BAIAP2L2: variants seen among roughly 807,000 people sequenced by gnomAD.
BAIAP2L2 encodes BAR/IMD domain containing adaptor protein 2 like 2.
BAIAP2L2 carries 65 observed loss-of-function variants against 60.4 expected under a neutral mutation model. The observed-to-expected ratio is 1.08, with a 90% CI of 0.88 to 1.32. BAIAP2L2 has a LOEUF of 1.32. Among genes scored for constraint, BAIAP2L2 ranks in the 40% most tolerant of loss-of-function variants. BAIAP2L2 has a pLI of 0.00. For missense variants in BAIAP2L2, 836 were observed against 741.2 expected, an observed-to-expected ratio of 1.13 and a Z score of -1.48; for synonymous variants, 344 against 301.7, an observed-to-expected ratio of 1.14 and a Z score of -1.45.
intron 10 of BAIAP2L2, 53 bp from the exon 11 acceptor site, chr22:38,087,317 A>G (rs528710120): frequency 2.6e-6 from 4 of 1,562,596 alleles, no homozygotes; most frequent in African/African-American, 1.4e-5. Context: ...CCTGGGGACA[A>G]TGACCAAAAG....
chr22:38,109,095 C>T, intron 2 of BAIAP2L2, 38 bp downstream of exon 2: 2 of 1,561,174 alleles, frequency 1.3e-6, no homozygotes, highest in Non-Finnish European at 1.8e-6. Flanking sequence ...ACAGCAGAGG[C>T]CCAGGGCTGG....
At chr22:38,100,222 C>T (rs1176724100) in intron 4 of BAIAP2L2, among the ~76,000 whole-genome samples, 1 of 152,144 alleles carries the variant, frequency 6.6e-6, no homozygotes, top group Non-Finnish European at 1.5e-5. Flanking sequence ...CCCGACCCTG[C>T]GCTAGTGTGA....
At chr22:38,110,369 C>A in intron 1 of BAIAP2L2, 106 bp downstream of exon 1, 1 of 1,204,520 alleles carries the variant, frequency 8.3e-7, no homozygotes, top group South Asian at 1.3e-5. Context: ...GCTTCCCTTT[C>A]CAGGACATCT....
chr22:38,098,542 C>G (rs1054207719), intron 4 of BAIAP2L2, 60 bp from the exon 5 acceptor site: 22 of 1,409,388 alleles, frequency 1.6e-5, no homozygotes, highest in Non-Finnish European at 1.9e-5. Context: ...GGCCCCAGCA[C>G]CCCCTTGCAC....
intron 5 of BAIAP2L2, 37 bp from the exon 6 acceptor site, chr22:38,098,216 C>CA (rs1569226259): frequency 6.2e-7 from 1 of 1,600,648 alleles, no homozygotes; most frequent in Admixed American, 1.7e-5. Flanking sequence ...AGAATCCCCC[C>CA]ACATCAGAGA....
At chr22:38,086,141 G>C (rs536472106) in intron 12 of BAIAP2L2, 101 bp downstream of exon 12, 243 of 1,312,006 alleles carry the variant, frequency 1.9e-4, no homozygotes, top group Non-Finnish European at 2.4e-4. Flanking sequence ...GGCCAGGTAG[G>C]CGGGTCCCCT....
intron 2 of BAIAP2L2, 97 bp downstream of exon 2, chr22:38,109,036 G>A (rs2086730641): frequency 1.0e-6 from 1 of 991,532 alleles, no homozygotes; most frequent in Non-Finnish European, 1.5e-6. Flanking sequence ...GGTTGAGGAT[G>A]AACAGGTGTG....
intron 1 of BAIAP2L2, 65 bp from the exon 2 acceptor site, chr22:38,109,273 G>A: frequency 5.9e-6 from 8 of 1,345,474 alleles, no homozygotes; most frequent in South Asian, 2.4e-5. Context: ...AACCACGGAT[G>A]GAGTCAAGTC....
chr22:38,109,020 G>A, intron 2 of BAIAP2L2, 113 bp downstream of exon 2: 1 of 918,770 alleles, frequency 1.1e-6, no homozygotes, highest in Non-Finnish European at 1.7e-6. Flanking sequence ...GGGTAGGAGG[G>A]TGTAGGGTTG....
intron 4 of BAIAP2L2, among the ~76,000 whole-genome samples, chr22:38,107,205 A>G (rs1286974445): frequency 1.3e-5 from 2 of 151,956 alleles, no homozygotes; most frequent in African/African-American, 2.4e-5. Context: ...GTCCAGGGGG[A>G]GGGGTGACTG....
At chr22:38,091,774 A>G (rs2086308588) in intron 7 of BAIAP2L2, among the ~76,000 whole-genome samples, 1 of 152,154 alleles carries the variant, frequency 6.6e-6, no homozygotes, top group South Asian at 2.1e-4. Context: ...TTTGCAACTC[A>G]TCACCAAGAA....
Position 38,098,172 on chromosome 22 carries a change from C to A in BAIAP2L2, c.356G>T (p.Arg119Leu), listed in dbSNP as rs371204360. The change falls in exon 6 of 14, where the codon CGC becomes CTC. Residue 119 changes from arginine (R) to leucine (L), a missense_variant. Transcript: ENST00000381669. ...GCGGTACTCGAGCTCATAGTGCTGG[C>A]GGCTGTCCTGGGGTAGGGTGGAGTC... is the stretch of plus-strand genomic sequence containing the variant. The part of the protein sequence containing the change: ...KLDMQFIKDS[R>L]QHYELEYRHR... The A allele has an allele frequency of 1.2e-6, 2 of 1,614,058 alleles. No homozygotes were observed. Among genetic ancestry groups the A allele is most frequent in the Non-Finnish European group, 1.7e-6 (2 of 1,180,034 alleles).
chr22:38,101,229 G>C (rs1359777303), intron 4 of BAIAP2L2, among the ~76,000 whole-genome samples: 1 of 151,970 alleles, frequency 6.6e-6, no homozygotes, highest in African/African-American at 2.4e-5. Context: ...AAACCAGACA[G>C]CAAAATAAAA....
chr22:38,097,114 T>G lies in BAIAP2L2; in HGVS notation c.530A>C (p.Glu177Ala). 1 of 1,614,056 alleles carries G rather than the reference T, an allele frequency of 6.2e-7. No individual in the cohort carries two copies. Among genetic ancestry groups the G allele is most frequent in the Non-Finnish European group, 8.5e-7 (1 of 1,180,032 alleles). ...GCGATAGCGCCGCTTCTCTTCCAAT[T>G]CAGCCGCCCGCTGACTCTCAGACAC... ...AFVSESQRAA[E>A]LEEKRRYRFL... is the part of the protein sequence containing the mutation. Residue 177 changes from glutamate (E) to alanine (A), a missense_variant, in exon 7 of 14, where the codon GAA (glutamate) becomes GCA (alanine). By Grantham distance (107) the Glu-to-Ala change is moderately radical. Transcript: ENST00000381669.
At chr22:38,086,920 C>T (rs1428591996) in intron 11 of BAIAP2L2, among the ~76,000 whole-genome samples, 1 of 148,638 alleles carries the variant, frequency 6.7e-6, no homozygotes, top group East Asian at 2.0e-4. Context: ...CGCTTGAATG[C>T]AGGAGGCAGA....
At chr22:38,105,147 C>A (rs2086638139) in intron 4 of BAIAP2L2, among the ~76,000 whole-genome samples, 1 of 152,044 alleles carries the variant, frequency 6.6e-6, no homozygotes, top group Admixed American at 6.6e-5. Context: ...GAAGGTGTCC[C>A]TTTCACTGAG....
chr22:38,097,762 G>A (rs1206890283), intron 6 of BAIAP2L2, among the ~76,000 whole-genome samples: 5 of 152,018 alleles, frequency 3.3e-5, no homozygotes, highest in South Asian at 2.1e-4. Context: ...ATGTTCAAGC[G>A]AGCAATTTTC....
At chr22:38,104,596 C>T (rs964493483) in intron 4 of BAIAP2L2, among the ~76,000 whole-genome samples, 5 of 151,182 alleles carry the variant, frequency 3.3e-5, no homozygotes, top group South Asian at 4.2e-4. Flanking sequence ...CCCGGGTTCA[C>T]GCCATTCTCC....
Position 38,084,994 on chromosome 22 carries a change from C to T in BAIAP2L2, c.*306G>A, listed in dbSNP as rs910387977. Reference sequence around the variant, plus strand: ...AGCAGGTACAAGGGGCTCCTCCCCACGGGGGCAGAAAAGGGGGAAAGAGGT... The same window carrying T: ...AGCAGGTACAAGGGGCTCCTCCCCATGGGGGCAGAAAAGGGGGAAAGAGGT... On this transcript the variant is annotated 3_prime_UTR_variant, in exon 14 of 14. Coordinates refer to ENST00000381669, the MANE Select transcript of BAIAP2L2 (RefSeq NM_025045.6). 2.3e-5 allele frequency: 8 copies of T among 342,396 alleles called. No homozygotes were observed. The highest frequency in any genetic ancestry group is 9.4e-5 in the African/African-American group (4 of 42,452). 21.2% of individuals were successfully genotyped at this position (342,396 alleles called of 1,614,324 possible). A position where few individuals can be genotyped will look rare whatever the true frequency, so the allele number is the denominator to read the frequency against.
Sources: gnomAD v4.1 joint callset for allele counts (sites outside exome capture counted in the v4.1 genomes callset) on GRCh38, gnomAD v4.1.1 for gene constraint, MANE v1.5 for transcripts, NCBI Gene and HGNC (gene_info 2026-07-23, HGNC 2026-07-21) for gene names.